The following CNTN6 variants were observed in gnomAD, a reference collection of about 807,000 sequenced individuals.
The protein encoded by CNTN6 is contactin 6.
CNTN6 carries 137 observed loss-of-function variants against 122.8 expected under a neutral mutation model. The observed-to-expected ratio is 1.12, with a 90% CI of 0.97 to 1.29. CNTN6 has a LOEUF of 1.29. Among genes scored for constraint, CNTN6 ranks in the 50% most tolerant of loss-of-function variants. The pLI, the probability that CNTN6 is intolerant of heterozygous loss-of-function variation, is 0.00. For synonymous variants in CNTN6, 570 were observed against 426.0 expected (o/e 1.34, Z -4.16); for missense variants, 1,634 against 1,223.4 (o/e 1.34, Z -5.01).
chr3:1,099,348 G>C (rs1459777648), intron 1 of CNTN6, among the ~76,000 whole-genome samples: 2 of 152,058 alleles, frequency 1.3e-5, no homozygotes, highest in Non-Finnish European at 2.9e-5. Context: ...CTACTGGGGA[G>C]GCTGAGGCGG....
intron 4 of CNTN6, among the ~76,000 whole-genome samples, chr3:1,247,114 T>C (rs1255415210): frequency 6.6e-6 from 1 of 152,200 alleles, no homozygotes; most frequent in Non-Finnish European, 1.5e-5. Context: ...TTTCCTGTTA[T>C]CTTCTATAGT....
chr3:1,099,085 A>T (rs1476506372), intron 1 of CNTN6, among the ~76,000 whole-genome samples: 1 of 151,978 alleles, frequency 6.6e-6, no homozygotes, highest in Non-Finnish European at 1.5e-5. Flanking sequence ...TTATGGAAAT[A>T]GTATATTGAA....
chr3:1,319,556 A>G lies in CNTN6; in HGVS notation c.762-2094A>G, dbSNP rs535819239. Among the ~76,000 whole-genome samples the G allele has an allele frequency of 4.0e-5, 6 of 151,678 alleles. No individual in the cohort carries two copies. The East Asian group carries it at 9.7e-4, about 25-fold the overall frequency. On this transcript the variant is annotated intron_variant, in intron 7 of 22. Coordinates refer to ENST00000446702, the MANE Select transcript of CNTN6 (RefSeq NM_001289080.2). ...AAAATGACTTCTGTCTTCACAATCA[A>G]TATAAATAACTAAGAGCAGAGGGAA...
chr3:1,300,173 A>G (rs1356807685), intron 7 of CNTN6, among the ~76,000 whole-genome samples: 1 of 151,946 alleles, frequency 6.6e-6, no homozygotes, highest in Non-Finnish European at 1.5e-5. Context: ...TTTTTAGTAG[A>G]GATGGGGTTT....
At position 1,122,970 on chromosome 3, in the gene CNTN6, G is replaced by A. The variant is rs114250852; in HGVS notation, c.-82-24957G>A. Among the ~76,000 whole-genome samples, 10 of 151,736 alleles carry A rather than the reference G, an allele frequency of 6.6e-5. No homozygotes were observed. In the East Asian group the frequency reaches 1.7e-3, roughly 26 times the overall value. ...GTATATACCTGGGACTGAAATGATAGGGTTACAAGGTGGTTCTATGTGGAG... is the reference window on the plus strand; with the variant it reads ...GTATATACCTGGGACTGAAATGATAAGGTTACAAGGTGGTTCTATGTGGAG... On this transcript the variant is annotated intron_variant, in intron 1 of 22. Transcript: ENST00000446702.
intron 2 of CNTN6, among the ~76,000 whole-genome samples, chr3:1,204,206 A>G (rs940682456): frequency 1.3e-5 from 2 of 152,188 alleles, no homozygotes; most frequent in Non-Finnish European, 2.9e-5. Context: ...TCTTATCTCA[A>G]AGAGGAACCA....
intron 2 of CNTN6, among the ~76,000 whole-genome samples, chr3:1,202,716 C>G (rs1411592015): frequency 6.6e-6 from 1 of 152,038 alleles, no homozygotes; most frequent in Non-Finnish European, 1.5e-5. Flanking sequence ...AAGGAATAAA[C>G]AGTAAATGTC....
chr3:1,237,576 T>C (rs1431055810), intron 4 of CNTN6, among the ~76,000 whole-genome samples: 1 of 152,136 alleles, frequency 6.6e-6, no homozygotes, highest in Non-Finnish European at 1.5e-5. Context: ...CACAAAAAGA[T>C]AATCACCTAG....
intron 1 of CNTN6, among the ~76,000 whole-genome samples, chr3:1,123,141 T>C (rs993267539): frequency 2.0e-5 from 3 of 151,876 alleles, no homozygotes; most frequent in Non-Finnish European, 2.9e-5. Context: ...TGCAATTACA[T>C]AGAAATTTGA....
intron 4 of CNTN6, among the ~76,000 whole-genome samples, chr3:1,267,482 A>T (rs925483988): frequency 3.9e-5 from 6 of 152,156 alleles, no homozygotes; most frequent in Non-Finnish European, 8.8e-5. Flanking sequence ...GGTCTCAGTA[A>T]TTAAGAGGTC....
chr3:1,297,995 A>T lies in CNTN6; in HGVS notation c.761+4A>T. ...TGGAATGTTTTGCCCTTGGAAAGTAAGGTTTTTGTTTTTGTTTTTGTTTTC... is the reference window on the plus strand; with the variant it reads ...TGGAATGTTTTGCCCTTGGAAAGTATGGTTTTTGTTTTTGTTTTTGTTTTC... On this transcript the variant is annotated splice_donor_region_variant and intron_variant, in intron 7 of 22. Coordinates refer to ENST00000446702, the MANE Select transcript of CNTN6 (RefSeq NM_001289080.2). 1 of 1,549,046 alleles carries T rather than the reference A, an allele frequency of 6.5e-7. No homozygotes were observed. Among genetic ancestry groups the T allele is most frequent in the African/African-American group, 2.2e-5 (1 of 46,286 alleles).
At chr3:1,378,076 G>A (rs1428659526) in intron 17 of CNTN6, among the ~76,000 whole-genome samples, 1 of 152,070 alleles carries the variant, frequency 6.6e-6, no homozygotes, top group Non-Finnish European at 1.5e-5. Flanking sequence ...CTCTTCCAGT[G>A]AATATTCTCT....
chr3:1,268,183 T>G (rs1282509941), intron 4 of CNTN6, among the ~76,000 whole-genome samples: 2 of 152,236 alleles, frequency 1.3e-5, no homozygotes, highest in Non-Finnish European at 2.9e-5. Context: ...CTAGGATTTT[T>G]CTGGCTATTG....
chr3:1,383,300 A>G lies in CNTN6; in HGVS notation c.2409A>G (p.Gln803=), dbSNP rs368055236. ...TCTTTCTCTGGATGGTAGAACCTCA[A>G]CTGGCCCCAAGGGGAACTTCTCTCC... ...TIVYSGEDEP[Q]LAPRGTSLQS... The change falls in exon 19 of 23, where the codon CAA becomes CAG. Residue 803 remains glutamine, a synonymous_variant. Coordinates refer to ENST00000446702, the MANE Select transcript of CNTN6 (RefSeq NM_001289080.2). The G allele has an allele frequency of 2.9e-5, 46 of 1,613,692 alleles. No individual in the cohort carries two copies. The highest frequency in any genetic ancestry group is 4.5e-5 in the East Asian group (2 of 44,888).
chr3:1,098,247 TAAAATA>T (rs2090643831), intron 1 of CNTN6, among the ~76,000 whole-genome samples: 2 of 141,866 alleles, frequency 1.4e-5, no homozygotes, highest in Non-Finnish European at 3.0e-5. Context: ...ATACTAATAA[TAAAATA>T]AAAATAAAAA....
chr3:1,323,238 C>T (rs1423828290), intron 8 of CNTN6, among the ~76,000 whole-genome samples: 1 of 151,662 alleles, frequency 6.6e-6, no homozygotes, highest in East Asian at 1.9e-4. Flanking sequence ...TTCAGTGATA[C>T]TATAGGCAAA....
chr3:1,186,531 C>G (rs2093630040), intron 2 of CNTN6, among the ~76,000 whole-genome samples: 1 of 152,178 alleles, frequency 6.6e-6, no homozygotes, highest in Non-Finnish European at 1.5e-5. Context: ...TATTTCACTA[C>G]TCTGCATCCC....
chr3:1,281,983 T>TACACACACAC (rs3836238), intron 5 of CNTN6, among the ~76,000 whole-genome samples: 2 of 149,800 alleles, frequency 1.3e-5, no homozygotes, highest in African/African-American at 4.9e-5. Context: ...TATATAGGTA[T>TACACACACAC]ACACACACAC....
intron 6 of CNTN6, among the ~76,000 whole-genome samples, chr3:1,297,142 AT>A (rs1696379458): frequency 1.3e-5 from 2 of 152,074 alleles, no homozygotes; most frequent in African/African-American, 4.8e-5. Context: ...AAAATTAAGT[AT>A]TTTTATTTCA....
Sources: gnomAD v4.1 joint callset for allele counts (sites outside exome capture counted in the v4.1 genomes callset) on GRCh38, gnomAD v4.1.1 for gene constraint, MANE v1.5 for transcripts, NCBI Gene and HGNC (gene_info 2026-07-23, HGNC 2026-07-21) for gene names.